AGBL1: variants seen among roughly 807,000 people sequenced by gnomAD.
AGBL1 encodes cytosolic carboxypeptidase 4.
In AGBL1, 130 loss-of-function variants were observed where a neutral mutation model predicts 118.9. That is an observed-to-expected ratio of 1.09 (90% CI 0.95 to 1.26). AGBL1 has a LOEUF of 1.26. AGBL1 is among the 50% of genes most tolerant of loss of function. The pLI is 0.00. For missense variants in AGBL1, 1,584 were observed against 1,298.1 expected (o/e 1.22, Z -3.38); for synonymous variants, 555 against 478.9 (o/e 1.16, Z -2.08).
intron 24 of AGBL1, among the ~76,000 whole-genome samples, chr15:87,025,018 A>G (rs1263216062): frequency 2.0e-5 from 3 of 152,074 alleles, no homozygotes; most frequent in Admixed American, 1.3e-4. Context: ...CCCACAGCCA[A>G]TATAATGCTG....
intron 22 of AGBL1, among the ~76,000 whole-genome samples, chr15:86,888,783 G>A (rs4887515): frequency 0.94 from 142,587 of 152,224 alleles, 66,893 homozygotes; most frequent in East Asian, 1. Context: ...TCTTTCATGA[G>A]CCATTATGAG....
intron 21 of AGBL1, among the ~76,000 whole-genome samples, chr15:86,611,279 T>C (rs991566574): frequency 6.6e-6 from 1 of 152,226 alleles, no homozygotes; most frequent in South Asian, 2.1e-4. Context: ...TCAGCAACTT[T>C]TTATTGTCTA....
intron 17 of AGBL1, among the ~76,000 whole-genome samples, chr15:86,337,613 A>G (rs2080393396): frequency 6.6e-6 from 1 of 152,140 alleles, no homozygotes; most frequent in South Asian, 2.1e-4. Flanking sequence ...GGAACAGAAA[A>G]CCAAACACCA....
intron 18 of AGBL1, among the ~76,000 whole-genome samples, chr15:86,495,099 G>A (rs1309594351): frequency 1.4e-5 from 2 of 143,916 alleles, no homozygotes; most frequent in African/African-American, 2.6e-5. Flanking sequence ...CGTCTGTCTC[G>A]CTCACTCTCT....
At chr15:86,178,388 A>G (rs1344761215) in intron 5 of AGBL1, among the ~76,000 whole-genome samples, 1 of 152,250 alleles carries the variant, frequency 6.6e-6, no homozygotes, top group Non-Finnish European at 1.5e-5. Context: ...GACCAGTATC[A>G]GAAATGAGAG....
chr15:86,735,527 A>T (rs986333773), intron 22 of AGBL1, among the ~76,000 whole-genome samples: 3 of 151,620 alleles, frequency 2.0e-5, no homozygotes, highest in African/African-American at 7.3e-5. Context: ...CTATAAATCA[A>T]ATCTCCTGTC....
rs79003238 is a variant in AGBL1, at chr15:86,741,128, A to T, written c.3158+66692A>T. ...TGCTACTAGCCAGTCTTTTGATTGCATCCTCACAAGTTAGGGGACCACTGT... is the reference window on the plus strand; with the variant it reads ...TGCTACTAGCCAGTCTTTTGATTGCTTCCTCACAAGTTAGGGGACCACTGT... On this transcript the variant is annotated intron_variant, in intron 22 of 22. Transcript: ENST00000614907. Among the ~76,000 whole-genome samples the T allele has an allele frequency of 5.0e-3, 766 of 152,126 alleles. 8 individuals are homozygous for T. The highest frequency in any genetic ancestry group is 0.017 in the African/African-American group (722 of 41,496).
chr15:86,211,500 C>G (rs879796095), intron 5 of AGBL1, among the ~76,000 whole-genome samples: 4 of 152,214 alleles, frequency 2.6e-5, no homozygotes, highest in Non-Finnish European at 4.4e-5. Flanking sequence ...CCACCCAGTT[C>G]AAGCTTCCCC....
At chr15:86,206,248 A>G (rs974318313) in intron 5 of AGBL1, among the ~76,000 whole-genome samples, 1 of 152,132 alleles carries the variant, frequency 6.6e-6, no homozygotes, top group African/African-American at 2.4e-5. Flanking sequence ...CGTTTTTGGT[A>G]TTGTGAATAA....
At chr15:86,303,712 A>G (rs147449208) in intron 17 of AGBL1, among the ~76,000 whole-genome samples, 1 of 152,316 alleles carries the variant, frequency 6.6e-6, no homozygotes, top group Non-Finnish European at 1.5e-5. Flanking sequence ...CTATACAGTT[A>G]TTACAGCAGA....
intron 19 of AGBL1, among the ~76,000 whole-genome samples, chr15:86,538,761 A>C (rs911793557): frequency 6.6e-6 from 1 of 152,268 alleles, no homozygotes; most frequent in African/African-American, 2.4e-5. Flanking sequence ...AAAGCACAGC[A>C]GTTTACATTG....
At chr15:86,268,019 A>T (rs1267974470) in intron 13 of AGBL1, among the ~76,000 whole-genome samples, 1 of 152,222 alleles carries the variant, frequency 6.6e-6, no homozygotes, top group South Asian at 2.1e-4. Flanking sequence ...TTGGGATTTC[A>T]TGAGAGCTAA....
At chr15:86,732,341 T>A (rs2077537104) in intron 22 of AGBL1, among the ~76,000 whole-genome samples, 2 of 152,322 alleles carry the variant, frequency 1.3e-5, no homozygotes, top group South Asian at 4.1e-4. Context: ...TATAATCTAC[T>A]CCACCACAGC....
At chr15:86,648,424 C>T (rs1021333003) in intron 21 of AGBL1, among the ~76,000 whole-genome samples, 5 of 152,148 alleles carry the variant, frequency 3.3e-5, no homozygotes, top group African/African-American at 4.8e-5. Flanking sequence ...GGAGTGCTCT[C>T]AGGTTTTTGG....
downstream of AGBL1, among the ~76,000 whole-genome samples, chr15:86,916,540 G>A (rs1215771336): frequency 1.3e-5 from 2 of 152,106 alleles, no homozygotes; most frequent in African/African-American, 4.8e-5. Flanking sequence ...GGAAATGATG[G>A]TTTTGTTCTT....
At chr15:86,834,667 T>C (rs767428381) in intron 22 of AGBL1, among the ~76,000 whole-genome samples, 5 of 152,176 alleles carry the variant, frequency 3.3e-5, no homozygotes, top group Non-Finnish European at 7.3e-5. Flanking sequence ...CTAGGCTGCG[T>C]GTTTTGCCCA....
intron 5 of AGBL1, 44 bp downstream of exon 5, chr15:86,159,070 G>A: frequency 6.5e-7 from 1 of 1,544,102 alleles, no homozygotes; most frequent in South Asian, 1.1e-5. Flanking sequence ...TGTAACAGAT[G>A]GAGAGATGGA....
intron 17 of AGBL1, among the ~76,000 whole-genome samples, chr15:86,368,699 G>A (rs1015152735): frequency 6.6e-6 from 1 of 152,162 alleles, no homozygotes; most frequent in Admixed American, 6.5e-5. Context: ...GTAGACATGA[G>A]GATATACTGA....
intron 22 of AGBL1, among the ~76,000 whole-genome samples, chr15:86,705,515 T>C (rs1439083896): frequency 6.6e-6 from 1 of 152,178 alleles, no homozygotes; most frequent in Non-Finnish European, 1.5e-5. Context: ...CCTCCATATG[T>C]ATTGGCTGAA....
Sources: gnomAD v4.1 joint callset for allele counts (sites outside exome capture counted in the v4.1 genomes callset) on GRCh38, gnomAD v4.1.1 for gene constraint, MANE v1.5 for transcripts, NCBI Gene and HGNC (gene_info 2026-07-23, HGNC 2026-07-21) for gene names.